Variants in AFF1 observed in about 807,000 individuals in gnomAD.
AFF1 encodes the protein ALF transcription elongation factor 1.
AFF1 carries 48 observed loss-of-function variants against 121.7 expected under a neutral mutation model. The observed-to-expected ratio is 0.39, with a 90% CI of 0.31 to 0.50. AFF1 has a LOEUF of 0.50. Ranked by LOEUF, AFF1 falls within the 20% of genes least tolerant of loss-of-function variation. The pLI, the probability that AFF1 is intolerant of heterozygous loss-of-function variation, is 0.76. For missense variants in AFF1, 1,523 were observed against 1,511.7 expected, an observed-to-expected ratio of 1.01 and a Z score of -0.12; for synonymous variants, 613 against 563.0, an observed-to-expected ratio of 1.09 and a Z score of -1.26.
At position 87,114,937 on chromosome 4, in the gene AFF1, G is replaced by A; in HGVS notation, c.2104G>A (p.Asp702Asn). The stretch of plus-strand genomic sequence containing the variant: ...AGAACCCGCGAAGGACAATGTGGAG[G>A]ACAGGACCCCTGAGCACTTTGCTCT... The part of the protein sequence containing the change: ...GPEPAKDNVE[D>N]RTPEHFALVP... Residue 702 changes from aspartate (D) to asparagine (N), a missense_variant, in exon 12 of 21, where the codon GAC becomes AAC. Asp to Asn is a conservative substitution (Grantham distance 23). This residue lies in a region of AFF1 where 905 missense variants were observed against 842.5 expected (regional missense o/e 1.07). Coordinates refer to ENST00000395146, the MANE Select transcript of AFF1 (RefSeq NM_001166693.3). The A allele has an allele frequency of 6.2e-7, 1 of 1,612,830 alleles. No homozygotes were observed. The highest frequency in any genetic ancestry group is 1.1e-5 in the South Asian group (1 of 90,876).
chr4:86,949,884 T>C, intron 2 of AFF1: 2 of 1,613,976 alleles, frequency 1.2e-6, no homozygotes, highest in Admixed American at 3.3e-5. Flanking sequence ...AAGAGCCACG[T>C]GAAGGGGTTC....
chr4:86,960,661 C>T (rs1257002303), intron 2 of AFF1, among the ~76,000 whole-genome samples: 1 of 152,116 alleles, frequency 6.6e-6, no homozygotes, highest in Non-Finnish European at 1.5e-5. Flanking sequence ...AAAAATAGTA[C>T]AACATTTTAT....
At chr4:86,968,884 T>C (rs138737033) in intron 2 of AFF1, among the ~76,000 whole-genome samples, 1 of 152,192 alleles carries the variant, frequency 6.6e-6, no homozygotes, top group Non-Finnish European at 1.5e-5. Flanking sequence ...AATTCATCTT[T>C]CATAAGGGAA....
intron 8 of AFF1, among the ~76,000 whole-genome samples, chr4:87,104,231 C>A (rs535649767): frequency 6.6e-6 from 1 of 152,214 alleles, no homozygotes; most frequent in Admixed American, 6.5e-5. Context: ...CATAGTAAGA[C>A]CTCATCTCTA....
intron 2 of AFF1, among the ~76,000 whole-genome samples, chr4:86,971,986 A>G (rs1180129798): frequency 6.6e-6 from 1 of 152,098 alleles, no homozygotes; most frequent in Non-Finnish European, 1.5e-5. Flanking sequence ...AAACTTCAAA[A>G]GATTAGTCGG....
At chr4:86,992,072 A>G (rs1724773621) in intron 2 of AFF1, among the ~76,000 whole-genome samples, 2 of 152,146 alleles carry the variant, frequency 1.3e-5, no homozygotes, top group African/African-American at 4.8e-5. Flanking sequence ...TGATTTTCCA[A>G]AGGCTTGTAA....
At chr4:87,060,849 A>C (rs1720693536) in intron 4 of AFF1, among the ~76,000 whole-genome samples, 2 of 25,152 alleles carry the variant, frequency 8.0e-5, no homozygotes, top group South Asian at 1.8e-3. Context: ...AAAAAAAAAA[A>C]AAAAAAAAAA....
At chr4:86,950,436 C>T (rs1021883449) in intron 2 of AFF1, among the ~76,000 whole-genome samples, 10 of 152,238 alleles carry the variant, frequency 6.6e-5, no homozygotes, top group African/African-American at 2.4e-4. Context: ...TCCCAAAGTG[C>T]TGGGATTACA....
At chr4:86,980,692 T>C (rs1186999904) in intron 2 of AFF1, among the ~76,000 whole-genome samples, 1 of 152,210 alleles carries the variant, frequency 6.6e-6, no homozygotes, top group East Asian at 1.9e-4. Flanking sequence ...CATTTGCTTA[T>C]ATTAAAAGAA....
intron 1 of AFF1, chr4:86,936,260 A>T (rs1409396339): frequency 6.6e-6 from 1 of 152,244 alleles, no homozygotes; most frequent in East Asian, 1.9e-4. Context: ...CCCTTGGTGC[A>T]CGTTGCGGGG....
chr4:87,134,412 T>C lies in AFF1; in HGVS notation c.3312-59T>C, dbSNP rs1223093763. On this transcript the variant is annotated intron_variant, in intron 19 of 20. Coordinates refer to ENST00000395146, the MANE Select transcript of AFF1 (RefSeq NM_001166693.3). ...CTGTAGTTCCAGACACGTAAATCTG[T>C]GATCCAGGGGTCTACTGGTGACTGA... is the stretch of plus-strand genomic sequence containing the variant. The C allele has an allele frequency of 2.1e-6, 3 of 1,429,884 alleles. No homozygotes were observed. The East Asian group carries it at 6.9e-5, about 33-fold the overall frequency. The allele number at this position is 1,429,884 out of a possible 1,614,324, so 88.6% of individuals were successfully genotyped here.
rs543347394 is a variant in AFF1 at position 86,992,739 on chromosome 4, C to T, written c.38+44168C>T. On this transcript the variant is annotated intron_variant, in intron 2 of 20. Transcript: ENST00000395146. Reference sequence around the variant, plus strand: ...ACTGTAAACCTGAAAAACTCTGTTGCTATAACTTCTGTAATTTTCTTAAAT... The same window carrying T: ...ACTGTAAACCTGAAAAACTCTGTTGTTATAACTTCTGTAATTTTCTTAAAT... Among the ~76,000 whole-genome samples the T allele has an allele frequency of 2.6e-5, 4 of 152,276 alleles. No homozygotes were observed. In the South Asian group the frequency reaches 8.3e-4, roughly 32 times the overall value.
intron 2 of AFF1, among the ~76,000 whole-genome samples, chr4:86,968,067 G>A (rs1486559465): frequency 2.0e-5 from 3 of 152,130 alleles, no homozygotes; most frequent in Non-Finnish European, 4.4e-5. Context: ...CCAGGAGAGT[G>A]CTCTCTTGGC....
At chr4:86,943,353 A>G (rs929210877) in intron 1 of AFF1, among the ~76,000 whole-genome samples, 1 of 152,180 alleles carries the variant, frequency 6.6e-6, no homozygotes, top group Admixed American at 6.5e-5. Flanking sequence ...GTAGAGTTCT[A>G]GAGAATCAGA....
At chr4:87,077,179 G>A (rs772405439) in intron 4 of AFF1, among the ~76,000 whole-genome samples, 25 of 152,188 alleles carry the variant, frequency 1.6e-4, no homozygotes, top group Non-Finnish European at 3.2e-4. Flanking sequence ...TAACTTTCTA[G>A]TCTAGTTTGG....
intron 2 of AFF1, among the ~76,000 whole-genome samples, chr4:86,987,562 A>G (rs971418788): frequency 6.6e-6 from 1 of 152,194 alleles, no homozygotes; most frequent in Admixed American, 6.6e-5. Context: ...GTGATAACTG[A>G]TTAATACCCA....
intron 4 of AFF1, among the ~76,000 whole-genome samples, chr4:87,053,890 G>C (rs1731501368): frequency 1.3e-5 from 2 of 152,232 alleles, no homozygotes; most frequent in Non-Finnish European, 2.9e-5. Flanking sequence ...TAGAACTAAG[G>C]AGCTGAGGAA....
chr4:87,086,915 G>T (rs1318181361), intron 5 of AFF1, among the ~76,000 whole-genome samples: 3 of 152,130 alleles, frequency 2.0e-5, no homozygotes, highest in Non-Finnish European at 4.4e-5. Context: ...GTATTTAAGG[G>T]GGAAGTGTTG....
chr4:87,045,291 C>T (rs368955706), intron 2 of AFF1, among the ~76,000 whole-genome samples: 4 of 152,178 alleles, frequency 2.6e-5, no homozygotes, highest in African/African-American at 7.2e-5. Context: ...AGACAGAAGT[C>T]ATTTTATAGT....
Sources: gnomAD v4.1 joint callset for allele counts (sites outside exome capture counted in the v4.1 genomes callset) on GRCh38, gnomAD v4.1.1 for gene constraint, gnomAD v4.1.1 regional missense constraint, MANE v1.5 for transcripts, NCBI Gene and HGNC (gene_info 2026-07-23, HGNC 2026-07-21) for gene names.